CADM2: variants seen among roughly 807,000 people sequenced by gnomAD.
CADM2 encodes the protein immunoglobulin superfamily member 4D.
Under a neutral mutation model 49.8 loss-of-function variants are expected in CADM2, and 12 were observed. That is an observed-to-expected ratio of 0.24 (90% CI 0.15 to 0.39). The LOEUF (loss-of-function observed/expected upper bound fraction) is 0.39, where lower values mean the gene tolerates loss of function less well. Ranked by LOEUF, CADM2 falls within the 10% of genes least tolerant of loss-of-function variation. The pLI is 1.00. For missense variants in CADM2, 378 were observed against 492.3 expected (o/e 0.77, Z 2.20); for synonymous variants, 214 against 175.4 (o/e 1.22, Z -1.74).
intron 1 of CADM2, among the ~76,000 whole-genome samples, chr3:85,467,744 A>G (rs1305288326): frequency 6.6e-6 from 1 of 152,210 alleles, no homozygotes; most frequent in Non-Finnish European, 1.5e-5. Flanking sequence ...GGTCAAATTC[A>G]TTCACACATA....
In CADM2 at chr3:85,514,300, G is replaced by A. The variant is rs1049288644; in HGVS notation, c.62-212222G>A. 4.6e-5 allele frequency among the ~76,000 whole-genome samples: 7 copies of A among 151,944 alleles called. No homozygotes were observed. The East Asian group carries it at 9.6e-4, about 21-fold the overall frequency. On this transcript the variant is annotated intron_variant, in intron 1 of 9. Transcript: ENST00000383699. ...ACTGTTTATTTGATTCTCTATTCAC[G>A]TTTTGTAATATGCCTCAAAACAATA...
At chr3:85,037,416 C>T (rs929691981) in intron 1 of CADM2, among the ~76,000 whole-genome samples, 1 of 152,218 alleles carries the variant, frequency 6.6e-6, no homozygotes, top group African/African-American at 2.4e-5. Flanking sequence ...CCAAAGTTCA[C>T]TCTTGAACGT....
chr3:85,819,771 T>G (rs2073439844), intron 3 of CADM2, among the ~76,000 whole-genome samples: 1 of 152,150 alleles, frequency 6.6e-6, no homozygotes, highest in Non-Finnish European at 1.5e-5. Context: ...ATTAAACTGC[T>G]TTTTGCAGTT....
chr3:85,099,188 A>G (rs900078057), intron 1 of CADM2, among the ~76,000 whole-genome samples: 13 of 152,218 alleles, frequency 8.5e-5, no homozygotes, highest in Non-Finnish European at 1.6e-4. Context: ...TGAAGACAAC[A>G]TAATACATTT....
At chr3:85,375,251 A>G (rs573482695) in intron 1 of CADM2, among the ~76,000 whole-genome samples, 8 of 152,312 alleles carry the variant, frequency 5.3e-5, no homozygotes, top group South Asian at 2.1e-4. Flanking sequence ...TGATACCACT[A>G]TATGATAATA....
In CADM2 at chr3:85,142,871, A is replaced by G. The variant is rs1032205694; in HGVS notation, c.61+183203A>G. ...GATGACCCTAATGAACAGATTGTCCACCAGTTAGTGGGATTCACTGAAGTG... is the reference window on the plus strand; with the variant it reads ...GATGACCCTAATGAACAGATTGTCCGCCAGTTAGTGGGATTCACTGAAGTG... On this transcript the variant is annotated intron_variant, in intron 1 of 9. Coordinates refer to ENST00000383699, the MANE Select transcript of CADM2 (RefSeq NM_001167675.2). Among the ~76,000 whole-genome samples the G allele has an allele frequency of 4.6e-5, 7 of 152,312 alleles. No individual in the cohort carries two copies. The South Asian group carries it at 1.5e-3, about 32-fold the overall frequency.
In CADM2 at chr3:85,904,020, C is replaced by T. The variant is rs545934965; in HGVS notation, c.530-8353C>T. ...TTTTCTTTTATAAACTATGGTTTAG[C>T]GTGCTTATCTCATCTAAACACAAGG... On this transcript the variant is annotated intron_variant, in intron 5 of 9. Transcript: ENST00000383699. 3.3e-5 allele frequency among the ~76,000 whole-genome samples: 5 copies of T among 152,178 alleles called. No homozygotes were observed. In the East Asian group the frequency reaches 9.7e-4, roughly 30 times the overall value.
intron 8 of CADM2, among the ~76,000 whole-genome samples, chr3:86,044,840 A>C (rs528292053): frequency 1.3e-5 from 2 of 152,342 alleles, no homozygotes; most frequent in East Asian, 3.9e-4. Context: ...CTGGATTAAG[A>C]AAATGTGTCA....
chr3:85,219,529 A>G (rs1195238365), intron 1 of CADM2, among the ~76,000 whole-genome samples: 1 of 152,182 alleles, frequency 6.6e-6, no homozygotes, highest in Non-Finnish European at 1.5e-5. Flanking sequence ...AAACCCTGGT[A>G]TCTTCTTTCA....
rs1030284293 is a variant in CADM2 at position 85,649,754 on chromosome 3, G to A, written c.62-76768G>A. Among the ~76,000 whole-genome samples, 3 of 152,226 alleles carry A rather than the reference G, an allele frequency of 2.0e-5. 1 individual carries two copies. Among genetic ancestry groups the A allele is most frequent in the Admixed American group, 2.0e-4 (3 of 15,268 alleles). On this transcript the variant is annotated intron_variant, in intron 1 of 9. Coordinates refer to ENST00000383699, the MANE Select transcript of CADM2 (RefSeq NM_001167675.2). ...GTAACTTAGCTATGAACTCACTCATGCTTTGTGTCTCATGGTTTGAATCTT... is the reference window on the plus strand; with the variant it reads ...GTAACTTAGCTATGAACTCACTCATACTTTGTGTCTCATGGTTTGAATCTT...
At chr3:85,200,520 G>A (rs898237127) in intron 1 of CADM2, among the ~76,000 whole-genome samples, 1 of 152,000 alleles carries the variant, frequency 6.6e-6, no homozygotes, top group Non-Finnish European at 1.5e-5. Context: ...GATCATGAAG[G>A]GCTTTCTAGG....
At chr3:85,184,434 T>A (rs1455752454) in intron 1 of CADM2, among the ~76,000 whole-genome samples, 1 of 152,088 alleles carries the variant, frequency 6.6e-6, no homozygotes, top group Non-Finnish European at 1.5e-5. Context: ...CTTTTTGAAA[T>A]GAAAATATGC....
intron 1 of CADM2, among the ~76,000 whole-genome samples, chr3:84,980,815 G>A (rs1208249704): frequency 6.6e-6 from 1 of 152,006 alleles, no homozygotes; most frequent in Non-Finnish European, 1.5e-5. Flanking sequence ...ATGGTAAAAT[G>A]GCTCATATCA....
intron 1 of CADM2, among the ~76,000 whole-genome samples, chr3:85,093,821 T>C (rs2037692614): frequency 6.6e-6 from 1 of 152,028 alleles, no homozygotes; most frequent in Non-Finnish European, 1.5e-5. Flanking sequence ...GTCGTTTTGC[T>C]TGGGGAGGAT....
intron 2 of CADM2, among the ~76,000 whole-genome samples, chr3:85,791,236 C>A (rs527848869): frequency 2.0e-5 from 3 of 152,070 alleles, no homozygotes; most frequent in Non-Finnish European, 2.9e-5. Flanking sequence ...AATTATAAGC[C>A]GGCCTTAATG....
chr3:85,139,555 A>T (rs2039515046), intron 1 of CADM2, among the ~76,000 whole-genome samples: 1 of 152,008 alleles, frequency 6.6e-6, no homozygotes, highest in Non-Finnish European at 1.5e-5. Context: ...CTTTAATACT[A>T]TGTGTTTTTC....
intron 1 of CADM2, among the ~76,000 whole-genome samples, chr3:85,424,531 C>A (rs2036313749): frequency 6.6e-6 from 1 of 152,104 alleles, no homozygotes; most frequent in Non-Finnish European, 1.5e-5. Flanking sequence ...GTATTTCCAG[C>A]ATCACCCCAA....
At chr3:85,379,564 C>G (rs561435993) in intron 1 of CADM2, among the ~76,000 whole-genome samples, 1 of 151,798 alleles carries the variant, frequency 6.6e-6, no homozygotes, top group South Asian at 2.1e-4. Flanking sequence ...TGCAATTTTC[C>G]TCTTGCTTTA....
intron 2 of CADM2, among the ~76,000 whole-genome samples, chr3:85,737,477 A>G (rs2068186682): frequency 6.6e-6 from 1 of 152,180 alleles, no homozygotes; most frequent in Admixed American, 6.5e-5. Flanking sequence ...ATGCAATACA[A>G]GGTTATTTTA....
Sources: allele counts gnomAD v4.1 joint callset (sites outside exome capture counted in the v4.1 genomes callset), GRCh38; gene constraint gnomAD v4.1.1; transcripts MANE v1.5; gene names NCBI Gene and HGNC (gene_info 2026-07-23, HGNC 2026-07-21).